HS6ST3: variants seen among roughly 807,000 people sequenced by gnomAD.
HS6ST3 encodes heparan sulfate 6-O-sulfotransferase 3, also known as heparan-sulfate 6-O-sulfotransferase 3.
HS6ST3 carries 12 observed loss-of-function variants against 36.7 expected under a neutral mutation model. The observed-to-expected ratio is 0.33, with a 90% CI of 0.21 to 0.53. The LOEUF (loss-of-function observed/expected upper bound fraction) is 0.53, where lower values mean the gene tolerates loss of function less well. Ranked by LOEUF, HS6ST3 falls within the 20% of genes least tolerant of loss-of-function variation. The probability of loss-of-function intolerance (pLI) is 0.95; values close to 1 mark genes in which losing one functional copy is unlikely to be tolerated. For missense variants in HS6ST3, 584 were observed against 640.9 expected (o/e 0.91, Z 0.96); for synonymous variants, 240 against 257.5 (o/e 0.93, Z 0.65).
intron 1 of HS6ST3, among the ~76,000 whole-genome samples, chr13:96,365,466 T>A (rs765628376): frequency 2.0e-5 from 3 of 152,226 alleles, no homozygotes; most frequent in Non-Finnish European, 4.4e-5. Context: ...ATTTAACAAA[T>A]ATTTATCCTA....
intron 1 of HS6ST3, among the ~76,000 whole-genome samples, chr13:96,465,051 G>A (rs1467669163): frequency 6.6e-6 from 1 of 150,602 alleles, no homozygotes; most frequent in African/African-American, 2.4e-5. Flanking sequence ...CAACTCAATA[G>A]TTATAAGTAG....
intron 1 of HS6ST3, among the ~76,000 whole-genome samples, chr13:96,713,077 A>T (rs899182528): frequency 1.3e-5 from 2 of 152,200 alleles, no homozygotes; most frequent in Non-Finnish European, 2.9e-5. Context: ...GTGAAATGTC[A>T]TCTTTTTCTG....
chr13:96,655,586 A>G (rs925955165), intron 1 of HS6ST3, among the ~76,000 whole-genome samples: 1 of 152,070 alleles, frequency 6.6e-6, no homozygotes, highest in Non-Finnish European at 1.5e-5. Flanking sequence ...GAAGCCTCTG[A>G]TATATCTATA....
chr13:96,219,986 G>A (rs1283945953), intron 1 of HS6ST3, among the ~76,000 whole-genome samples: 1 of 152,090 alleles, frequency 6.6e-6, no homozygotes, highest in Non-Finnish European at 1.5e-5. Flanking sequence ...CCAGCCCACA[G>A]GTAGGATTCT....
intron 1 of HS6ST3, among the ~76,000 whole-genome samples, chr13:96,567,830 C>T (rs1222522539): frequency 6.6e-5 from 10 of 152,036 alleles, no homozygotes; most frequent in South Asian, 4.1e-4. Flanking sequence ...GCATTTCTTC[C>T]GAAGTAGAAA....
intron 1 of HS6ST3, among the ~76,000 whole-genome samples, chr13:96,758,051 A>C (rs978660073): frequency 6.6e-6 from 1 of 152,036 alleles, no homozygotes; most frequent in African/African-American, 2.4e-5. Context: ...TGACCAGTTA[A>C]TCTACCTGAG....
intron 1 of HS6ST3, among the ~76,000 whole-genome samples, chr13:96,267,659 A>G (rs528058927): frequency 1.3e-5 from 2 of 151,946 alleles, no homozygotes; most frequent in Non-Finnish European, 2.9e-5. Flanking sequence ...ATGCTAGTAT[A>G]AACTGTTTTA....
intron 1 of HS6ST3, among the ~76,000 whole-genome samples, chr13:96,827,967 C>T (rs1878684179): frequency 6.6e-6 from 1 of 152,182 alleles, no homozygotes; most frequent in Non-Finnish European, 1.5e-5. Flanking sequence ...TATTCAACTA[C>T]AGTAATATCC....
In HS6ST3 at chr13:96,091,160, G is replaced by C. The variant is rs1385485454; in HGVS notation, c.298G>C (p.Glu100Gln). The stretch of plus-strand genomic sequence containing the variant: ...GGACGAGGAGCCCGGAGACCCCCGG[G>C]AGGGGGAGGAAGAGGAGGAGGAAGA... Reference protein sequence around the residue: ...EEDEEPGDPREGEEEEEEDEP... With the variant: ...EEDEEPGDPRQGEEEEEEDEP... The change falls in exon 1 of 2, where the codon GAG (glutamate) becomes CAG (glutamine). Residue 100 changes from glutamate (E) to glutamine (Q), a missense_variant. Glu to Gln is a conservative substitution (Grantham distance 29). This residue lies in a region of HS6ST3 where 217 missense variants were observed against 205.4 expected (regional missense o/e 1.06). Coordinates refer to ENST00000376705, the MANE Select transcript of HS6ST3 (RefSeq NM_153456.4). The C allele has an allele frequency of 2.6e-6, 4 of 1,542,322 alleles. No individual in the cohort carries two copies. The highest frequency in any genetic ancestry group is 8.8e-7 in the Non-Finnish European group (1 of 1,142,704).
At position 96,090,815 on chromosome 13, in the gene HS6ST3, T is replaced by TGCCGCCGCC. The variant is rs759363125; in HGVS notation, c.-36_-28dup. The TGCCGCCGCC allele has an allele frequency of 3.2e-5, 46 of 1,431,476 alleles. No homozygotes were observed. The South Asian group carries it at 4.9e-4, about 15-fold the overall frequency. The allele number at this position is 1,431,476 out of a possible 1,614,324, so 88.7% of individuals were successfully genotyped here. Reference sequence around the variant, plus strand: ...CTTCCGAGCGGGCGCCCGTCCGCCCTGCCGCCGCCGCCGCCGCCGCTTCGC... The same window carrying TGCCGCCGCC: ...CTTCCGAGCGGGCGCCCGTCCGCCCTGCCGCCGCCGCCGCCGCCGCCGCCGCCGCTTCGC... On this transcript the variant is annotated 5_prime_UTR_variant, in exon 1 of 2. Coordinates refer to ENST00000376705, the MANE Select transcript of HS6ST3 (RefSeq NM_153456.4).
chr13:96,174,354 T>C (rs543149165), intron 1 of HS6ST3, among the ~76,000 whole-genome samples: 1 of 152,218 alleles, frequency 6.6e-6, no homozygotes, highest in South Asian at 2.1e-4. Flanking sequence ...GAAAGAGGAA[T>C]TTATCTCACA....
intron 1 of HS6ST3, among the ~76,000 whole-genome samples, chr13:96,510,953 G>T (rs1219218415): frequency 2.6e-5 from 4 of 151,920 alleles, no homozygotes; most frequent in Non-Finnish European, 5.9e-5. Context: ...TTATGTTTCT[G>T]CATGTATCAT....
chr13:96,755,082 G>A (rs569012622), intron 1 of HS6ST3, among the ~76,000 whole-genome samples: 2 of 151,814 alleles, frequency 1.3e-5, no homozygotes, highest in Non-Finnish European at 2.9e-5. Flanking sequence ...ATAAAGTTAC[G>A]TATCTGTGAA....
chr13:96,126,589 G>C (rs984384493), intron 1 of HS6ST3, among the ~76,000 whole-genome samples: 2 of 152,152 alleles, frequency 1.3e-5, no homozygotes, highest in Non-Finnish European at 2.9e-5. Flanking sequence ...TGCTGCTGGG[G>C]CTCCATGCAC....
At position 96,478,774 on chromosome 13, in the gene HS6ST3, A is replaced by G. The variant is rs1480524586; in HGVS notation, c.708-353716A>G. 3.3e-5 allele frequency among the ~76,000 whole-genome samples: 5 copies of G among 152,148 alleles called. No individual in the cohort carries two copies. In the East Asian group the frequency reaches 7.7e-4, roughly 23 times the overall value. On this transcript the variant is annotated intron_variant, in intron 1 of 1. Coordinates refer to ENST00000376705, the MANE Select transcript of HS6ST3 (RefSeq NM_153456.4). ...CAACTGTATCAGGGAGATATATACAATTACTACCATTTTACAAATGGAGAT... is the reference window on the plus strand; with the variant it reads ...CAACTGTATCAGGGAGATATATACAGTTACTACCATTTTACAAATGGAGAT...
rs1056973761 is a variant in HS6ST3 at position 96,665,841 on chromosome 13, T to G, written c.708-166649T>G. Among the ~76,000 whole-genome samples, 23 of 152,162 alleles carry G rather than the reference T, an allele frequency of 1.5e-4. 1 individual carries two copies. Among genetic ancestry groups the G allele is most frequent in the African/African-American group, 5.3e-4 (22 of 41,436 alleles). Reference sequence around the variant, plus strand: ...TTACTCATGGTAGCTCTAGTTATTATTACCTCAAGTTTTAAAAGTGAAGTC... The same window carrying G: ...TTACTCATGGTAGCTCTAGTTATTAGTACCTCAAGTTTTAAAAGTGAAGTC... On this transcript the variant is annotated intron_variant, in intron 1 of 1. Transcript: ENST00000376705.
intron 1 of HS6ST3, among the ~76,000 whole-genome samples, chr13:96,133,347 T>C (rs7318265): frequency 0.02 from 3,046 of 151,798 alleles, 86 homozygotes; most frequent in African/African-American, 0.068. Context: ...AGGCTGGTCT[T>C]GAACTCCTGA....
At chr13:96,514,583 G>T (rs1039354764) in intron 1 of HS6ST3, among the ~76,000 whole-genome samples, 1 of 152,182 alleles carries the variant, frequency 6.6e-6, no homozygotes, top group Non-Finnish European at 1.5e-5. Flanking sequence ...GGTCATGTGA[G>T]CACACAGCGA....
chr13:96,094,545 G>A (rs890174392), intron 1 of HS6ST3, among the ~76,000 whole-genome samples: 7 of 152,120 alleles, frequency 4.6e-5, no homozygotes, highest in Admixed American at 3.3e-4. Flanking sequence ...GGCAAGGTGG[G>A]GAACAAAGTT....
Sources: allele counts gnomAD v4.1 joint callset (sites outside exome capture counted in the v4.1 genomes callset), GRCh38; gene constraint gnomAD v4.1.1; regional missense constraint gnomAD v4.1.1; transcripts MANE v1.5; gene names NCBI Gene and HGNC (gene_info 2026-07-23, HGNC 2026-07-21).